BCHE: variants seen among roughly 807,000 people sequenced by gnomAD.
The protein encoded by BCHE is cholinesterase.
In BCHE, 48 loss-of-function variants were observed where a neutral mutation model predicts 51.3. That is an observed-to-expected ratio of 0.94 (90% CI 0.74 to 1.19). The LOEUF (loss-of-function observed/expected upper bound fraction) is 1.19, where lower values mean the gene tolerates loss of function less well. BCHE is among the 50% of genes most tolerant of loss of function. The pLI is 0.00. For synonymous variants in BCHE, 251 were observed against 238.0 expected, an observed-to-expected ratio of 1.05 and a Z score of -0.50; for missense variants, 847 against 708.2, an observed-to-expected ratio of 1.20 and a Z score of -2.23.
chr3:165,779,980 C>T (rs1453932564), intron 3 of BCHE, among the ~76,000 whole-genome samples: 1 of 152,110 alleles, frequency 6.6e-6, no homozygotes, highest in African/African-American at 2.4e-5. Context: ...AAGAAGAAAG[C>T]TGTAGGTATC....
At chr3:165,820,448 G>C (rs1000425489) in intron 2 of BCHE, among the ~76,000 whole-genome samples, 4 of 151,790 alleles carry the variant, frequency 2.6e-5, no homozygotes, top group African/African-American at 9.7e-5. Flanking sequence ...ATTCTTTTCT[G>C]AGTAACTCCT....
At chr3:165,793,038 T>G (rs895976684) in intron 2 of BCHE, among the ~76,000 whole-genome samples, 21 of 152,290 alleles carry the variant, frequency 1.4e-4, no homozygotes, top group African/African-American at 5.1e-4. Flanking sequence ...TTAATACAGT[T>G]CCATTTGTCT....
intron 2 of BCHE, among the ~76,000 whole-genome samples, chr3:165,791,913 C>T (rs972549616): frequency 4.0e-5 from 6 of 151,498 alleles, no homozygotes; most frequent in African/African-American, 1.5e-4. Context: ...TTGCCACTGA[C>T]TCCACCCTGG....
At chr3:165,815,473 G>A (rs886783511) in intron 2 of BCHE, among the ~76,000 whole-genome samples, 1 of 152,068 alleles carries the variant, frequency 6.6e-6, no homozygotes, top group African/African-American at 2.4e-5. Flanking sequence ...AACACCTGTT[G>A]AGGATGATGA....
intron 2 of BCHE, among the ~76,000 whole-genome samples, chr3:165,789,859 C>G (rs1713101702): frequency 6.6e-6 from 1 of 151,982 alleles, no homozygotes; most frequent in Non-Finnish European, 1.5e-5. Flanking sequence ...AAAGTGTGTA[C>G]TAGATCAGGT....
At position 165,773,088 on chromosome 3, in the gene BCHE, GA is replaced by G. The variant is rs3836432; in HGVS notation, c.*293del. ...AGCAGAGCACTGATAATTTTGGGGGGAAAAACTTAAATTTATTAAGGAAAGA... is the reference window on the plus strand; with the variant it reads ...AGCAGAGCACTGATAATTTTGGGGGGAAAACTTAAATTTATTAAGGAAAGA... On this transcript the variant is annotated 3_prime_UTR_variant, in exon 4 of 4. Coordinates refer to ENST00000264381, the MANE Select transcript of BCHE (RefSeq NM_000055.4). The G allele has an allele frequency of 8.5e-6, 2 of 235,174 alleles. No individual in the cohort carries two copies. Among genetic ancestry groups the G allele is most frequent in the African/African-American group, 4.6e-5 (2 of 43,458 alleles). The allele number at this position is 235,174 out of a possible 1,614,324, so 14.6% of individuals were successfully genotyped here.
chr3:165,830,455 GT>G lies in BCHE; in HGVS notation c.578del (p.Asn193ThrfsTer18). ...ALPGNPEAPG[N>X]MGLFDQQLAL... ...CCAACTGTTGATCAAATAAACCCAT[GT>G]TCCCTGGAGCCTCAGGATTTCCTGG... is the stretch of plus-strand genomic sequence containing the variant. On this transcript the variant is annotated frameshift_variant, in exon 2 of 4. Coordinates refer to ENST00000264381, the MANE Select transcript of BCHE (RefSeq NM_000055.4). LOFTEE classifies it high-confidence loss of function. 6.2e-7 allele frequency: 1 copy of G among 1,613,566 alleles called. No homozygotes were observed. The highest frequency in any genetic ancestry group is 2.2e-5 in the East Asian group (1 of 44,870).
intron 2 of BCHE, among the ~76,000 whole-genome samples, chr3:165,788,266 C>G (rs1245998396): frequency 6.6e-6 from 1 of 151,956 alleles, no homozygotes; most frequent in South Asian, 2.1e-4. Context: ...CATATTTTAT[C>G]ATAGATGCAG....
At chr3:165,829,385 C>G in intron 2 of BCHE, 132 bp downstream of exon 2, 1 of 835,298 alleles carries the variant, frequency 1.2e-6, no homozygotes. Flanking sequence ...ATAAAACCAG[C>G]TTTGGTACAA....
chr3:165,832,400 C>A (rs1715022713), intron 1 of BCHE, among the ~76,000 whole-genome samples: 1 of 151,948 alleles, frequency 6.6e-6, no homozygotes, highest in African/African-American at 2.4e-5. Flanking sequence ...TCAAGTGATT[C>A]TTCTGCCTCA....
intron 2 of BCHE, among the ~76,000 whole-genome samples, chr3:165,803,191 T>C (rs1713734626): frequency 1.3e-5 from 2 of 152,204 alleles, no homozygotes; most frequent in African/African-American, 4.8e-5. Flanking sequence ...ATTGACTACC[T>C]AATATGTGCC....
chr3:165,799,032 A>G (rs1713535744), intron 2 of BCHE, among the ~76,000 whole-genome samples: 2 of 152,146 alleles, frequency 1.3e-5, no homozygotes, highest in Admixed American at 6.6e-5. Context: ...TCATCTCCTT[A>G]TTTCTTTAGT....
intron 3 of BCHE, among the ~76,000 whole-genome samples, chr3:165,775,013 G>A (rs1322018989): frequency 1.3e-5 from 2 of 152,032 alleles, no homozygotes; most frequent in Non-Finnish European, 2.9e-5. Context: ...CTTTTAGAAT[G>A]CTAAGCTACA....
chr3:165,777,899 C>T, intron 3 of BCHE: 1 of 303,624 alleles, frequency 3.3e-6, no homozygotes, highest in Non-Finnish European at 6.7e-6. Context: ...ATTTTCTTTA[C>T]ACTAGCTTAC....
At chr3:165,786,436 A>G in intron 2 of BCHE, 125 bp from the exon 3 acceptor site, 1 of 869,044 alleles carries the variant, frequency 1.2e-6, no homozygotes, top group East Asian at 2.7e-5. Context: ...GTGGATATAT[A>G]TTGATGATAT....
At chr3:165,816,966 T>G (rs948632866) in intron 2 of BCHE, among the ~76,000 whole-genome samples, 1 of 152,130 alleles carries the variant, frequency 6.6e-6, no homozygotes, top group East Asian at 1.9e-4. Context: ...CAATAAAAAT[T>G]TAAATATGAA....
chr3:165,798,139 G>A (rs973781326), intron 2 of BCHE, among the ~76,000 whole-genome samples: 2 of 152,092 alleles, frequency 1.3e-5, no homozygotes, highest in African/African-American at 4.8e-5. Flanking sequence ...AGGCTGTTTG[G>A]TAAAGGTTTT....
At chr3:165,806,149 G>A (rs560186947) in intron 2 of BCHE, among the ~76,000 whole-genome samples, 284 of 151,708 alleles carry the variant, frequency 1.9e-3, no homozygotes, top group African/African-American at 6.7e-3. Context: ...AAAAAAAAAA[G>A]TTTTCACATG....
intron 2 of BCHE, among the ~76,000 whole-genome samples, chr3:165,793,968 A>T (rs1576844581): frequency 1.3e-5 from 2 of 151,574 alleles, no homozygotes; most frequent in African/African-American, 4.9e-5. Context: ...AATTGCTTGA[A>T]CCCGGGAGGC....
Sources: gnomAD v4.1 joint callset for allele counts (sites outside exome capture counted in the v4.1 genomes callset) on GRCh38, gnomAD v4.1.1 for gene constraint, MANE v1.5 for transcripts, NCBI Gene and HGNC (gene_info 2026-07-23, HGNC 2026-07-21) for gene names.